The following PFKM variants were observed in gnomAD, a reference collection of about 807,000 sequenced individuals.
The protein encoded by PFKM is ATP-dependent 6-phosphofructokinase, muscle type.
PFKM carries 58 observed loss-of-function variants against 95.5 expected under a neutral mutation model. The ratio of observed to expected loss-of-function variants is 0.61; its 90% CI spans 0.49 to 0.76. PFKM has a LOEUF of 0.76. Among genes scored for constraint, PFKM ranks in the 30% least tolerant of loss-of-function variants. PFKM has a pLI of 0.00. For synonymous variants in PFKM, 336 were observed against 357.2 expected, an observed-to-expected ratio of 0.94 and a Z score of 0.67; for missense variants, 678 against 1,005.4, an observed-to-expected ratio of 0.67 and a Z score of 4.40.
chr12:48,136,688 G>A (rs1400663731), intron 10 of PFKM, among the ~76,000 whole-genome samples: 1 of 118,794 alleles, frequency 8.4e-6, no homozygotes, highest in African/African-American at 3.4e-5. Flanking sequence ...TTTGGGGGTC[G>A]TCACTTTTTT....
At chr12:48,130,973 C>T (rs1038325022) in intron 3 of PFKM, among the ~76,000 whole-genome samples, 29 of 152,202 alleles carry the variant, frequency 1.9e-4, no homozygotes, top group African/African-American at 6.8e-4. Flanking sequence ...ACTTCCCCTT[C>T]TCCTTTTCTC....
chr12:48,118,889 AT>A (rs5798062), upstream of PFKM, among the ~76,000 whole-genome samples: 111,057 of 152,016 alleles, frequency 0.73, 42,096 homozygotes, highest in East Asian at 0.99. Flanking sequence ...GACTATATTT[AT>A]TTTTTTTAAA....
upstream of PFKM, chr12:48,118,669 A>T (rs1947887580): frequency 8.1e-6 from 6 of 742,528 alleles, no homozygotes; most frequent in East Asian, 2.7e-5. Flanking sequence ...CCCAATTTAT[A>T]TGTTTGCTTC....
chr12:48,144,883 CAG>C (rs1950891315), intron 20 of PFKM, 146 bp from the exon 21 acceptor site: 1 of 697,986 alleles, frequency 1.4e-6, no homozygotes, highest in Admixed American at 2.3e-5. Flanking sequence ...GGCACTGCCT[CAG>C]GGCACCCTTT....
At chr12:48,116,218 T>C (rs1425021138), upstream of PFKM, among the ~76,000 whole-genome samples, 1 of 147,804 alleles carries the variant, frequency 6.8e-6, no homozygotes, top group African/African-American at 2.5e-5. Flanking sequence ...TCTTTTCTCC[T>C]TCCTTCCTTC....
chr12:48,106,340 C>G (rs1201518294), intron 1 of PFKM: 1 of 539,698 alleles, frequency 1.9e-6, no homozygotes, highest in Non-Finnish European at 3.3e-6. Flanking sequence ...CTATGCTTTT[C>G]TCTGTTCCCT....
chr12:48,115,975 TATG>T (rs1211895790), upstream of PFKM, among the ~76,000 whole-genome samples: 7 of 152,204 alleles, frequency 4.6e-5, no homozygotes, highest in African/African-American at 2.4e-5. Flanking sequence ...TGCTAATTAA[TATG>T]ATGACTCTAT....
At chr12:48,138,115 A>G (rs1298195809) in intron 11 of PFKM, among the ~76,000 whole-genome samples, 1 of 152,184 alleles carries the variant, frequency 6.6e-6, no homozygotes, top group African/African-American at 2.4e-5. Context: ...CATAATATAC[A>G]ACCTCAAACC....
Position 48,132,908 on chromosome 12 carries a change from G to A in PFKM, c.278G>A (p.Arg93Gln), listed in dbSNP as rs779855785. 2.5e-6 allele frequency: 4 copies of A among 1,613,908 alleles called. No homozygotes were observed. Among genetic ancestry groups the A allele is most frequent in the East Asian group, 4.5e-5 (2 of 44,870 alleles). The change falls in exon 5 of 23, where the codon CGG becomes CAG. Residue 93 changes from arginine to glutamine, a missense_variant. Physicochemically the swap from Arg to Gln is conservative, Grantham distance 43. Transcript: ENST00000359794. Reference sequence around the variant, plus strand: ...GGAAGTGCCCGGTGCAAGGACTTTCGGGAACGAGAAGGACGACTCCGAGCT... The same window carrying A: ...GGAAGTGCCCGGTGCAAGGACTTTCAGGAACGAGAAGGACGACTCCGAGCT... Reference protein sequence around the residue: ...VIGSARCKDFREREGRLRAAY... With the variant: ...VIGSARCKDFQEREGRLRAAY...
At chr12:48,123,278 T>A (rs1386516948) in intron 2 of PFKM, among the ~76,000 whole-genome samples, 32 of 152,190 alleles carry the variant, frequency 2.1e-4, no homozygotes, top group Admixed American at 2.0e-3. Context: ...TTAACTCTGA[T>A]GTCTGGAGAG....
chr12:48,105,855 CA>C (rs1946517306), upstream of PFKM: 1 of 602,548 alleles, frequency 1.7e-6, no homozygotes. Context: ...CACCGGACAG[CA>C]GGGGGGAGGG....
intron 1 of PFKM, among the ~76,000 whole-genome samples, chr12:48,120,899 C>T (rs2137808837): frequency 6.6e-6 from 1 of 152,296 alleles, no homozygotes; most frequent in South Asian, 2.1e-4. Context: ...TGCCTGTTAT[C>T]CCAGCACTTT....
chr12:48,145,593 T>C lies in PFKM; in HGVS notation c.2228T>C (p.Leu743Pro). ...CGAATCCCCAAGGAACAGTGGTGGCTGAAACTGAGGCCCATCCTCAAAATC... is the reference window on the plus strand; with the variant it reads ...CGAATCCCCAAGGAACAGTGGTGGCCGAAACTGAGGCCCATCCTCAAAATC... The part of the protein sequence containing the change: ...EHRIPKEQWW[L>P]KLRPILKILA... Residue 743 changes from leucine to proline, a missense_variant, in exon 23 of 23, where the codon CTG becomes CCG. By Grantham distance (98) the Leu-to-Pro change is moderately conservative. Transcript: ENST00000359794. This position sits in a 1 kb window ranked among gnomAD's most constrained non-coding sequence, Gnocchi z 4.3. 1 of 1,614,106 alleles carries C rather than the reference T, an allele frequency of 6.2e-7. No homozygotes were observed. The highest frequency in any genetic ancestry group is 2.2e-5 in the East Asian group (1 of 44,874).
In PFKM at chr12:48,141,953, C is replaced by A. The variant is rs1487607332; in HGVS notation, c.1540C>A (p.Gln514Lys). Residue 514 changes from glutamine (Q) to lysine (K), a missense_variant, in exon 17 of 23, where the codon CAG becomes AAG. Coordinates refer to ENST00000359794, the MANE Select transcript of PFKM (RefSeq NM_000289.6). ...CCTGGAACTGATGGAGGGCAGGAAGCAGTTTGATGAGCTCTGCATCCCATT... is the reference window on the plus strand; with the variant it reads ...CCTGGAACTGATGGAGGGCAGGAAGAAGTTTGATGAGCTCTGCATCCCATT... ...GGLELMEGRK[Q>K]FDELCIPFVV... 3 of 1,614,032 alleles carry A rather than the reference C, an allele frequency of 1.9e-6. No individual in the cohort carries two copies. The Admixed American group carries it at 5.0e-5, about 27-fold the overall frequency.
chr12:48,112,856 A>T (rs1273875780), intron 3 of PFKM, among the ~76,000 whole-genome samples: 3 of 152,170 alleles, frequency 2.0e-5, no homozygotes, highest in Non-Finnish European at 4.4e-5. Context: ...TAATCCTTTT[A>T]AAGTGTGCTG....
upstream of PFKM, among the ~76,000 whole-genome samples, chr12:48,115,456 C>T (rs930947600): frequency 6.6e-6 from 1 of 152,074 alleles, no homozygotes; most frequent in African/African-American, 2.4e-5. Flanking sequence ...AAAGTACGTT[C>T]TCAAGGATGG....
At chr12:48,116,414 T>A (rs1159945062), upstream of PFKM, among the ~76,000 whole-genome samples, 5 of 152,162 alleles carry the variant, frequency 3.3e-5, no homozygotes, top group African/African-American at 1.2e-4. Context: ...TGAGCATCTT[T>A]TCTTGTACTT....
intron 4 of PFKM, chr12:48,132,026 C>T (rs1006211509): frequency 4.4e-6 from 2 of 455,758 alleles, no homozygotes; most frequent in African/African-American, 4.0e-5. Flanking sequence ...CAGCTCAGTT[C>T]CCTAAAAATC....
chr12:48,125,868 T>A (rs1270935164), intron 2 of PFKM, among the ~76,000 whole-genome samples: 1 of 152,210 alleles, frequency 6.6e-6, no homozygotes, highest in Non-Finnish European at 1.5e-5. Flanking sequence ...GTGCAATTCA[T>A]CTCTAACAAA....
Sources: gnomAD v4.1 joint callset for allele counts (sites outside exome capture counted in the v4.1 genomes callset) on GRCh38, gnomAD v4.1.1 for gene constraint, Gnocchi (gnomAD v3.1) non-coding constraint, MANE v1.5 for transcripts, NCBI Gene and HGNC (gene_info 2026-07-23, HGNC 2026-07-21) for gene names.